The following CTSZ variants were observed in gnomAD, a reference collection of about 807,000 sequenced individuals.
CTSZ encodes carboxypeptidase LB.
Under a neutral mutation model 32.4 loss-of-function variants are expected in CTSZ, and 39 were observed. That is an observed-to-expected ratio of 1.20 (90% CI 0.93 to 1.57). The LOEUF (loss-of-function observed/expected upper bound fraction) is 1.57, where lower values mean the gene tolerates loss of function less well. Ranked by LOEUF, CTSZ falls within the 40% of genes most tolerant of loss-of-function variation. CTSZ has a pLI of 0.00. For synonymous variants in CTSZ, 168 were observed against 170.1 expected, an observed-to-expected ratio of 0.99 and a Z score of 0.10; for missense variants, 397 against 419.6, an observed-to-expected ratio of 0.95 and a Z score of 0.47.
Position 58,996,589 on chromosome 20 carries a change from C to T in CTSZ, c.801+50G>A, listed in dbSNP as rs199574425. On this transcript the variant is annotated intron_variant, in intron 5 of 5. Coordinates refer to ENST00000217131, the MANE Select transcript of CTSZ (RefSeq NM_001336.4). ...CAGAACCATTCAAGCGAGAGGAGTA[C>T]CAGGACGTTTTTTTCTAGGAATGAC... 4 of 1,589,818 alleles carry T rather than the reference C, an allele frequency of 2.5e-6. No individual in the cohort carries two copies. In the East Asian group the frequency reaches 6.7e-5, roughly 27 times the overall value.
chr20:58,996,606 A>G, intron 5 of CTSZ, 33 bp downstream of exon 5: 2 of 1,611,642 alleles, frequency 1.2e-6, no homozygotes, highest in Non-Finnish European at 1.7e-6. Context: ...GTTTTTTTCT[A>G]GGAATGACCT....
In CTSZ at chr20:59,004,869, C is replaced by T. The variant is rs1016014496; in HGVS notation, c.307+1453G>A. ...GAGAGAGTCCCCTGGGGAAATGCGGCAGGGCTGACCCCTGGCCAGGGTCCC... is the reference window on the plus strand; with the variant it reads ...GAGAGAGTCCCCTGGGGAAATGCGGTAGGGCTGACCCCTGGCCAGGGTCCC... On this transcript the variant is annotated intron_variant, in intron 2 of 5. Coordinates refer to ENST00000217131, the MANE Select transcript of CTSZ (RefSeq NM_001336.4). This position sits in a 1 kb window ranked among gnomAD's most constrained non-coding sequence, Gnocchi z 5.6. Among the ~76,000 whole-genome samples the T allele has an allele frequency of 6.6e-6, 1 of 152,034 alleles. No individual in the cohort carries two copies. The highest frequency in any genetic ancestry group is 1.5e-5 in the Non-Finnish European group (1 of 67,982).
chr20:58,997,520 C>T (rs2091866748), intron 4 of CTSZ, 83 bp downstream of exon 4: 2 of 1,374,616 alleles, frequency 1.5e-6, no homozygotes, highest in African/African-American at 1.5e-5. Flanking sequence ...CCGCGGATCT[C>T]TCCTCACCCG....
At chr20:59,003,007 ACCC>A (rs2091896026) in intron 2 of CTSZ, among the ~76,000 whole-genome samples, 1 of 151,654 alleles carries the variant, frequency 6.6e-6, no homozygotes, top group Admixed American at 6.6e-5. Context: ...CAGTGCCCCG[ACCC>A]CTACTGCCCC....
At chr20:59,000,013 G>A (rs906475519) in intron 3 of CTSZ, among the ~76,000 whole-genome samples, 3 of 150,858 alleles carry the variant, frequency 2.0e-5, no homozygotes, top group African/African-American at 7.3e-5. Flanking sequence ...AGCTTGCAGT[G>A]AGCCGAGATC....
Position 59,007,217 on chromosome 20 carries a change from C to G in CTSZ, c.-89G>C. The G allele has an allele frequency of 1.7e-6, 2 of 1,198,646 alleles. No homozygotes were observed. The highest frequency in any genetic ancestry group is 3.8e-5 in the East Asian group (1 of 26,476). The allele number at this position is 1,198,646 out of a possible 1,614,324, so 74.3% of individuals were successfully genotyped here. ...CTCCCGCTCTGGATCCCGCCCCGGC[C>G]TCGGCCTCGGCCCAGCACCCGGCCG... On this transcript the variant is annotated 5_prime_UTR_variant, in exon 1 of 6. Transcript: ENST00000217131.
chr20:59,006,916 G>T, intron 1 of CTSZ, 70 bp downstream of exon 1: 1 of 1,274,504 alleles, frequency 7.8e-7, no homozygotes, highest in Non-Finnish European at 1.0e-6. Context: ...CCCCCAGGAG[G>T]CAGAGCGCGC....
chr20:58,997,547 C>A, intron 4 of CTSZ, 56 bp downstream of exon 4: 1 of 1,474,838 alleles, frequency 6.8e-7, no homozygotes, highest in South Asian at 1.4e-5. Context: ...CTTTCCTCAC[C>A]CGCGGGACCT....
intron 5 of CTSZ, among the ~76,000 whole-genome samples, chr20:58,996,362 C>T (rs542203581): frequency 7.9e-5 from 12 of 152,296 alleles, no homozygotes; most frequent in African/African-American, 2.4e-4. Context: ...CATCTGGAGA[C>T]GGTTTTGGTC....
Position 59,004,562 on chromosome 20 carries a change from G to A in CTSZ, c.307+1760C>T, listed in dbSNP as rs751570192. Among the ~76,000 whole-genome samples, 35 of 152,096 alleles carry A rather than the reference G, an allele frequency of 2.3e-4. No individual in the cohort carries two copies. The highest frequency in any genetic ancestry group is 4.6e-4 in the Non-Finnish European group (31 of 67,986). ...CTTCCCTAGGGAGCCCAGAATTGGG[G>A]CGGGGTGGGGCCGGGGGCTTTGTGT... On this transcript the variant is annotated intron_variant, in intron 2 of 5. Transcript: ENST00000217131. This position sits in a 1 kb window ranked among gnomAD's most constrained non-coding sequence, Gnocchi z 5.6.
In CTSZ at chr20:58,996,717, A is replaced by G; in HGVS notation, c.723T>C (p.His241=). ...AEYQDTTYIN[H]VVSVAGWGIS... is the part of the protein sequence containing the mutation. ...TGCCCCACCCAGCCACAGAAACGAC[A>G]TGGTTTATATATGTGGTGTCCTGGT... Residue 241 remains histidine, a synonymous_variant, in exon 5 of 6, where the codon CAT becomes CAC. Coordinates refer to ENST00000217131, the MANE Select transcript of CTSZ (RefSeq NM_001336.4). 2 of 1,614,146 alleles carry G rather than the reference A, an allele frequency of 1.2e-6. No individual in the cohort carries two copies. Among genetic ancestry groups the G allele is most frequent in the Non-Finnish European group, 1.7e-6 (2 of 1,180,022 alleles).
chr20:59,000,504 C>G (rs563220148), intron 3 of CTSZ, among the ~76,000 whole-genome samples: 5 of 152,352 alleles, frequency 3.3e-5, no homozygotes, highest in Admixed American at 2.0e-4. Context: ...TCCAGGCTAG[C>G]TTGGGTCTGC....
rs748113074 is a variant in CTSZ at position 59,007,075 on chromosome 20, C to A, written c.54G>T (p.Ala18=). 3.4e-6 allele frequency: 5 copies of A among 1,459,988 alleles called. No homozygotes were observed. The highest frequency in any genetic ancestry group is 4.5e-6 in the Non-Finnish European group (5 of 1,111,732). 90.4% of individuals were successfully genotyped at this position (1,459,988 alleles called of 1,614,324 possible). ...AGTAGAGGCCGCCCTGCGCCGCGCC[C>A]GCCAGCAGCACGAGCAGCAGAAGCG... The part of the protein sequence containing the change: ...WRPLLLLVLL[A]GAAQGGLYFR... Residue 18 remains alanine, a synonymous_variant, in exon 1 of 6, where the codon GCG becomes GCT. Coordinates refer to ENST00000217131, the MANE Select transcript of CTSZ (RefSeq NM_001336.4).
At chr20:59,006,106 C>G (rs891283352) in intron 2 of CTSZ, 13 of 593,428 alleles carry the variant, frequency 2.2e-5, no homozygotes, top group African/African-American at 1.9e-4. Context: ...GGGATTCAGT[C>G]CTAGTCCTGC....
chr20:58,996,698 ACC>A lies in CTSZ; in HGVS notation c.740_741del (p.Gly247ValfsTer5), dbSNP rs762827587. On this transcript the variant is annotated frameshift_variant, in exon 5 of 6. Coordinates refer to ENST00000217131, the MANE Select transcript of CTSZ (RefSeq NM_001336.4). LOFTEE classifies it high-confidence loss of function. ...TYINHVVSVA[G>X]WGISDGTEYW... ...TACTCAGTCCCATCACTGATGCCCC[ACC>A]CAGCCACAGAAACGACATGGTTTAT... 6.2e-7 allele frequency: 1 copy of A among 1,613,912 alleles called. No homozygotes were observed. Among genetic ancestry groups the A allele is most frequent in the South Asian group, 1.1e-5 (1 of 91,076 alleles).
At chr20:59,003,478 G>C (rs765509029) in intron 2 of CTSZ, among the ~76,000 whole-genome samples, 1 of 152,246 alleles carries the variant, frequency 6.6e-6, no homozygotes, top group Admixed American at 6.5e-5. Flanking sequence ...GCCAGGGTGT[G>C]CAGGAGGCTG....
intron 3 of CTSZ, among the ~76,000 whole-genome samples, 172 bp downstream of exon 3, chr20:59,001,293 A>G (rs1337878571): frequency 6.6e-6 from 1 of 152,040 alleles, no homozygotes; most frequent in Non-Finnish European, 1.5e-5. Context: ...ACTACCCCTC[A>G]TGGTCAAGAG....
At chr20:58,997,394 A>C in intron 4 of CTSZ, 1 of 422,474 alleles carries the variant, frequency 2.4e-6, no homozygotes, top group Non-Finnish European at 4.2e-6. Flanking sequence ...TGAAGTTCTT[A>C]GAGGGGAAAT....
intron 2 of CTSZ, 167 bp downstream of exon 2, chr20:59,006,155 A>C: frequency 1.2e-6 from 1 of 829,952 alleles, no homozygotes; most frequent in Admixed American, 3.0e-5. Flanking sequence ...AGCTTGGGTC[A>C]CCTCAGCAGA....
Sources: allele counts gnomAD v4.1 joint callset (sites outside exome capture counted in the v4.1 genomes callset), GRCh38; gene constraint gnomAD v4.1.1; non-coding constraint Gnocchi (gnomAD v3.1); transcripts MANE v1.5; gene names NCBI Gene and HGNC (gene_info 2026-07-23, HGNC 2026-07-21).